The following SULT1A1 variants were observed in gnomAD, a reference collection of about 807,000 sequenced individuals.
SULT1A1 encodes the protein sulfotransferase family 1A member 1.
Under a neutral mutation model 36.8 loss-of-function variants are expected in SULT1A1, and 35 were observed. That is an observed-to-expected ratio of 0.95 (90% CI 0.73 to 1.26). The LOEUF (loss-of-function observed/expected upper bound fraction) is 1.26, where lower values mean the gene tolerates loss of function less well. Among genes scored for constraint, SULT1A1 ranks in the 50% most tolerant of loss-of-function variants. The pLI is 0.00. For missense variants in SULT1A1, 309 were observed against 383.0 expected, an observed-to-expected ratio of 0.81 and a Z score of 1.61; for synonymous variants, 119 against 146.0, an observed-to-expected ratio of 0.82 and a Z score of 1.33.
intron 4 of SULT1A1, chr16:28,607,545 C>T (rs979483840): frequency 6.3e-6 from 1 of 158,338 alleles, no homozygotes; most frequent in African/African-American, 2.4e-5. Flanking sequence ...CCAGGGCCTC[C>T]TTCCCTGGAT....
chr16:28,623,255 G>A, exon 1 of SULT1A1: 1 of 1,545,098 alleles, frequency 6.5e-7, no homozygotes, highest in South Asian at 1.2e-5. Context: ...ACACGTAGTT[G>A]AAGTTGGCGT....
intron 4 of SULT1A1, 37 bp from the exon 5 acceptor site, chr16:28,607,114 C>T: frequency 6.2e-7 from 1 of 1,609,678 alleles, no homozygotes; most frequent in Non-Finnish European, 8.5e-7. Context: ...GCACCATCAC[C>T]ACACAGCCTG....
intron 1 of SULT1A1, among the ~76,000 whole-genome samples, chr16:28,621,701 C>T (rs1476208196): frequency 6.6e-6 from 1 of 151,988 alleles, no homozygotes; most frequent in Non-Finnish European, 1.5e-5. Flanking sequence ...AAACAGGAGG[C>T]CCTAGCTCCC....
At chr16:28,620,019 A>G in intron 2 of SULT1A1, 1 of 1,545,896 alleles carries the variant, frequency 6.5e-7, no homozygotes, top group Non-Finnish European at 8.9e-7. Flanking sequence ...GTGTATATAC[A>G]CACACAAAAA....
chr16:28,622,615 G>A (rs562750318), intron 1 of SULT1A1, among the ~76,000 whole-genome samples: 48 of 152,236 alleles, frequency 3.2e-4, no homozygotes, highest in African/African-American at 9.9e-4. Flanking sequence ...CCAGGGTCAC[G>A]GGTCCCCTTG....
In SULT1A1 at chr16:28,605,732, T is replaced by C. The variant is rs1334445257; in HGVS notation, c.*89A>G. 1 of 1,585,756 alleles carries C rather than the reference T, an allele frequency of 6.3e-7. No individual in the cohort carries two copies. The highest frequency in any genetic ancestry group is 1.3e-5 in the African/African-American group (1 of 74,450). ...CTGGGATTACAGACATGACCTACCG[T>C]CCCGGGCCCTCAATTCATATTTTAT... On this transcript the variant is annotated 3_prime_UTR_variant, in exon 8 of 8. Coordinates refer to ENST00000314752, the MANE Select transcript of SULT1A1 (RefSeq NM_001055.4).
At chr16:28,609,491 G>T in intron 1 of SULT1A1, 1 of 1,068,098 alleles carries the variant, frequency 9.4e-7, no homozygotes, top group South Asian at 1.3e-5. Flanking sequence ...GGCCTAGGCA[G>T]GGTGGCTCCC....
chr16:28,608,002 AT>A (rs1177145014), intron 4 of SULT1A1: 4 of 231,410 alleles, frequency 1.7e-5, no homozygotes, highest in Non-Finnish European at 3.3e-5. Flanking sequence ...TTATTTATTT[AT>A]TTTTGTGAGT....
At chr16:28,608,216 A>C (rs2047295200) in intron 4 of SULT1A1, 75 bp downstream of exon 4, 5 of 1,582,536 alleles carry the variant, frequency 3.2e-6, no homozygotes, top group Middle Eastern at 1.8e-4. Context: ...CAAACTCCCA[A>C]CCTCAGGTGA....
intron 1 of SULT1A1, chr16:28,609,334 C>A (rs1296611397): frequency 1.6e-6 from 2 of 1,287,424 alleles, no homozygotes; most frequent in Non-Finnish European, 1.0e-6. Flanking sequence ...GGAAACCGCC[C>A]AGGCCAGCCA....
chr16:28,615,944 G>A (rs190994681), intron 2 of SULT1A1, among the ~76,000 whole-genome samples: 43 of 152,210 alleles, frequency 2.8e-4, no homozygotes, highest in Non-Finnish European at 3.7e-4. Context: ...AGAAGGCAGA[G>A]TCAGGTGTAC....
rs115253552 is a variant in SULT1A1, at chr16:28,608,545, C to T, written c.207G>A (p.Lys69=). ...DMIYQGGDLE[K]CHRAPIFMRV... is the part of the protein sequence containing the mutation. Reference sequence around the variant, plus strand: ...GCATGAAGATGGGAGCTCGGTGACACTTCTCCAGGTCACCACCCTGGTAGA... The same window carrying T: ...GCATGAAGATGGGAGCTCGGTGACATTTCTCCAGGTCACCACCCTGGTAGA... Residue 69 remains lysine (K), a synonymous_variant, in exon 3 of 8, where the codon AAG becomes AAA. Coordinates refer to ENST00000314752, the MANE Select transcript of SULT1A1 (RefSeq NM_001055.4). The T allele has an allele frequency of 3.6e-4, 576 of 1,612,380 alleles. 1 individual carries two copies. In the African/African-American group the frequency reaches 6.6e-3, roughly 19 times the overall value.
At position 28,606,760 on chromosome 16, in the gene SULT1A1, C is replaced by A. The variant is rs777536647; in HGVS notation, c.594+1G>T. ...GAGGGAAGCATCGCACGTGGTCTCACCTCCTTCATGTCTTCATAGAAGAGG... is the reference window on the plus strand; with the variant it reads ...GAGGGAAGCATCGCACGTGGTCTCAACTCCTTCATGTCTTCATAGAAGAGG... On this transcript the variant is annotated splice_donor_variant, in intron 6 of 7. Coordinates refer to ENST00000314752, the MANE Select transcript of SULT1A1 (RefSeq NM_001055.4). LOFTEE classifies it high-confidence loss of function. The A allele has an allele frequency of 7.4e-6, 12 of 1,612,200 alleles. No homozygotes were observed. Among genetic ancestry groups the A allele is most frequent in the Admixed American group, 1.7e-5 (1 of 59,898 alleles).
Position 28,608,339 on chromosome 16 carries a change from G to T in SULT1A1, c.324C>A (p.His108Gln), listed in dbSNP as rs1368441468. The change falls in exon 4 of 8, where the codon CAC becomes CAA. Residue 108 changes from histidine to glutamine, a missense_variant. Physicochemically the swap from His to Gln is conservative, Grantham distance 24. Around this residue, in one of 3 missense-constraint regions of SULT1A1, gnomAD observed 219 missense variants for 215.3 expected, o/e 1.02. Transcript: ENST00000314752. ...DTPAPRLLKT[H>Q]LPLALLPQTL... ...TCTGGGGGAGCAGAGCCAGGGGCAG[G>T]TGTGTCTTCAGGAGTCGTGGGGCCG... 1.9e-6 allele frequency: 3 copies of T among 1,612,252 alleles called. No individual in the cohort carries two copies. Among genetic ancestry groups the T allele is most frequent in the Non-Finnish European group, 1.7e-6 (2 of 1,178,694 alleles).
chr16:28,609,205 C>A, intron 1 of SULT1A1: 4 of 1,310,666 alleles, frequency 3.1e-6, no homozygotes, highest in Non-Finnish European at 3.9e-6. Context: ...AGCTCTAGGA[C>A]CTTCCTGTGC....
chr16:28,607,193 A>C lies in SULT1A1; in HGVS notation c.373-116T>G. 2.6e-6 allele frequency: 4 copies of C among 1,539,574 alleles called. 1 individual carries two copies. In the South Asian group the frequency reaches 5.0e-5, roughly 19 times the overall value. On this transcript the variant is annotated intron_variant, in intron 4 of 7. Coordinates refer to ENST00000314752, the MANE Select transcript of SULT1A1 (RefSeq NM_001055.4). ...AGGCTTAGAGGCTGACTTGTTTGAG[A>C]TCTCACGGCACCGGTAGGGCCAAGT...
chr16:28,609,630 G>A (rs1163873192), intron 1 of SULT1A1: 1 of 383,124 alleles, frequency 2.6e-6, no homozygotes, highest in African/African-American at 2.1e-5. Flanking sequence ...GGATGATGAG[G>A]GCCTGTAGTC....
chr16:28,609,553 C>A (rs771859870), intron 1 of SULT1A1: 68 of 500,594 alleles, frequency 1.4e-4, no homozygotes, highest in Non-Finnish European at 2.0e-4. Flanking sequence ...GGAGACCAAC[C>A]TGGTGCAGCA....
chr16:28,607,034 T>C lies in SULT1A1; in HGVS notation c.416A>G (p.Tyr139Cys), dbSNP rs751208498. ...CTTGGCCATGTGGTAGAAGTGGTAG[T>C]AGGAAACTGCCACATCCTTTGCGTT... ...ARNAKDVAVSYYHFYHMAKVH... is the reference protein window; with the variant it reads ...ARNAKDVAVSCYHFYHMAKVH... Residue 139 changes from tyrosine to cysteine, a missense_variant, in exon 5 of 8, where the codon TAC (tyrosine) becomes TGC (cysteine). Tyr to Cys is a radical substitution (Grantham distance 194, BLOSUM62 -2). Transcript: ENST00000314752. 3.1e-6 allele frequency: 5 copies of C among 1,612,490 alleles called. No individual in the cohort carries two copies. Among genetic ancestry groups the C allele is most frequent in the Non-Finnish European group, 4.2e-6 (5 of 1,178,700 alleles).
Sources: gnomAD v4.1 joint callset for allele counts (sites outside exome capture counted in the v4.1 genomes callset) on GRCh38, gnomAD v4.1.1 for gene constraint, gnomAD v4.1.1 regional missense constraint, MANE v1.5 for transcripts, NCBI Gene and HGNC (gene_info 2026-07-23, HGNC 2026-07-21) for gene names.